Variants in EYA2 observed in about 807,000 individuals in gnomAD.
The protein encoded by EYA2 is protein phosphatase EYA2.
EYA2 carries 31 observed loss-of-function variants against 69.2 expected under a neutral mutation model. That is an observed-to-expected ratio of 0.45 (90% CI 0.34 to 0.60). The LOEUF (loss-of-function observed/expected upper bound fraction) is 0.60, where lower values mean the gene tolerates loss of function less well. Ranked by LOEUF, EYA2 falls within the 20% of genes least tolerant of loss-of-function variation. The pLI is 0.02. For synonymous variants in EYA2, 257 were observed against 279.4 expected (o/e 0.92, Z 0.80); for missense variants, 622 against 701.2 (o/e 0.89, Z 1.28).
In EYA2 at chr20:47,050,054, G is replaced by A. The variant is rs1045121203; in HGVS notation, c.416-22131G>A. Among the ~76,000 whole-genome samples the A allele has an allele frequency of 1.3e-4, 20 of 152,258 alleles. 1 individual carries two copies. Among genetic ancestry groups the A allele is most frequent in the Middle Eastern group, 6.8e-3 (2 of 294 alleles). The stretch of plus-strand genomic sequence containing the variant: ...GCACCCTCAGTGCATCTTTCCAGGG[G>A]CTGCACGATGCTGATGTCTTATTAT... On this transcript the variant is annotated intron_variant, in intron 5 of 15. Transcript: ENST00000327619.
rs71183225 is a variant in EYA2 at position 46,987,964 on chromosome 20, C to CTATATATATATATATATATATATATATA, written c.-10-2031_-10-2004dup. Among the ~76,000 whole-genome samples the CTATATATATATATATATATATATATATA allele has an allele frequency of 1.8e-4, 2 of 11,282 alleles. 1 individual carries two copies. Among genetic ancestry groups the CTATATATATATATATATATATATATATA allele is most frequent in the Non-Finnish European group, 3.4e-4 (2 of 5,934 alleles). 7.4% of individuals were successfully genotyped at this position (11,282 alleles called of 152,430 possible). A position where few individuals can be genotyped will look rare whatever the true frequency, so the allele number is the denominator to read the frequency against. ...TCTCTCTCTCTCTCTCTCTCTCTCT[C>CTATATATATATATATATATATATATATA]TATATATATATATATATATATATAT... On this transcript the variant is annotated intron_variant, in intron 1 of 15. Transcript: ENST00000327619.
chr20:47,024,427 C>T (rs1444595741), intron 5 of EYA2, among the ~76,000 whole-genome samples: 1 of 152,192 alleles, frequency 6.6e-6, no homozygotes, highest in African/African-American at 2.4e-5. Flanking sequence ...TTCCCAGCTC[C>T]ATTATGAGCT....
At chr20:46,909,577 A>G (rs912330112) in intron 1 of EYA2, among the ~76,000 whole-genome samples, 4 of 152,218 alleles carry the variant, frequency 2.6e-5, no homozygotes, top group Non-Finnish European at 2.9e-5. Flanking sequence ...GCCTTGGGAA[A>G]TGAAAAGTTC....
At chr20:47,051,890 C>G (rs1250344380) in intron 5 of EYA2, among the ~76,000 whole-genome samples, 1 of 152,186 alleles carries the variant, frequency 6.6e-6, no homozygotes, top group Non-Finnish European at 1.5e-5. Context: ...AACCACAGCT[C>G]GGGGCTCAGC....
chr20:47,130,318 G>A (rs1179678105), intron 9 of EYA2, among the ~76,000 whole-genome samples: 1 of 122,682 alleles, frequency 8.2e-6, no homozygotes, highest in East Asian at 2.7e-4. Context: ...AGGTGGGAGT[G>A]CAGTGGCACA....
chr20:47,177,578 A>C (rs2034449805), intron 12 of EYA2, among the ~76,000 whole-genome samples: 1 of 152,270 alleles, frequency 6.6e-6, no homozygotes, highest in African/African-American at 2.4e-5. Context: ...AAGATAAAGA[A>C]GGCCAGCATA....
chr20:47,072,122 A>G (rs2031334538), intron 5 of EYA2, 63 bp from the exon 6 acceptor site: 1 of 1,464,872 alleles, frequency 6.8e-7, no homozygotes, highest in Non-Finnish European at 9.6e-7. Flanking sequence ...AATGCTAACA[A>G]CTGCTTTAAA....
At chr20:47,086,149 A>T (rs537452083) in intron 7 of EYA2, among the ~76,000 whole-genome samples, 1 of 152,326 alleles carries the variant, frequency 6.6e-6, no homozygotes, top group African/African-American at 2.4e-5. Flanking sequence ...CTGTTCTCTC[A>T]TTGCTATAAA....
chr20:47,133,258 A>G (rs2033386148), intron 9 of EYA2, among the ~76,000 whole-genome samples: 1 of 152,142 alleles, frequency 6.6e-6, no homozygotes. Flanking sequence ...CACCCCAGGA[A>G]AAAAAGGTGC....
intron 1 of EYA2, among the ~76,000 whole-genome samples, chr20:46,924,412 T>C (rs1985311663): frequency 6.6e-6 from 1 of 152,174 alleles, no homozygotes. Flanking sequence ...GGCTCACGCC[T>C]GTAATCCCAG....
chr20:47,056,683 C>T (rs988765346), intron 5 of EYA2, among the ~76,000 whole-genome samples: 4 of 152,210 alleles, frequency 2.6e-5, no homozygotes, highest in East Asian at 3.9e-4. Context: ...TATCTGAATT[C>T]TCTGTTGTCT....
At position 47,163,476 on chromosome 20, in the gene EYA2, G is replaced by A. The variant is rs1054565749; in HGVS notation, c.979-5663G>A. Among the ~76,000 whole-genome samples the A allele has an allele frequency of 3.9e-5, 6 of 152,130 alleles. No homozygotes were observed. In the East Asian group the frequency reaches 1.2e-3, roughly 30 times the overall value. Reference sequence around the variant, plus strand: ...CACTTTGGGAGTCCGAGGCAGGGGGGTCATCTGAGGTCGGGAGTTCAAGAC... The same window carrying A: ...CACTTTGGGAGTCCGAGGCAGGGGGATCATCTGAGGTCGGGAGTTCAAGAC... On this transcript the variant is annotated intron_variant, in intron 10 of 15. Transcript: ENST00000327619.
intron 9 of EYA2, among the ~76,000 whole-genome samples, chr20:47,121,499 G>C (rs1278475998): frequency 6.6e-6 from 1 of 152,126 alleles, no homozygotes; most frequent in East Asian, 1.9e-4. Context: ...ATTTGTATGT[G>C]TACAGCTAAA....
chr20:46,987,136 A>ACCTT (rs1289094396), intron 1 of EYA2, among the ~76,000 whole-genome samples: 5 of 152,276 alleles, frequency 3.3e-5, no homozygotes, highest in Admixed American at 1.3e-4. Context: ...GATACTAAAT[A>ACCTT]CCTTCGGCTC....
At chr20:46,982,758 C>G (rs1056972966) in intron 1 of EYA2, among the ~76,000 whole-genome samples, 1 of 149,508 alleles carries the variant, frequency 6.7e-6, no homozygotes. Flanking sequence ...TATTTCATTT[C>G]TCAGTTCTGT....
intron 1 of EYA2, among the ~76,000 whole-genome samples, chr20:46,986,845 C>T (rs1049126815): frequency 2.0e-5 from 3 of 152,134 alleles, no homozygotes; most frequent in Non-Finnish European, 4.4e-5. Context: ...ATCCCTATGA[C>T]CCAAACCTCT....
chr20:47,015,202 C>G (rs1162044457), intron 4 of EYA2, among the ~76,000 whole-genome samples: 1 of 152,168 alleles, frequency 6.6e-6, no homozygotes, highest in African/African-American at 2.4e-5. Flanking sequence ...GGAAGAGACT[C>G]TTTGCTTTAT....
At chr20:47,062,550 G>A (rs866890033) in intron 5 of EYA2, among the ~76,000 whole-genome samples, 1 of 152,182 alleles carries the variant, frequency 6.6e-6, no homozygotes, top group Non-Finnish European at 1.5e-5. Flanking sequence ...CGGCTCTCCT[G>A]GCAGCTGTAA....
intron 1 of EYA2, among the ~76,000 whole-genome samples, chr20:46,924,467 G>A (rs67559658): frequency 0.089 from 13,551 of 152,002 alleles, 976 homozygotes; most frequent in East Asian, 0.39. Flanking sequence ...TCAGGAGATC[G>A]AGACCATCCT....
Sources: allele counts gnomAD v4.1 joint callset (sites outside exome capture counted in the v4.1 genomes callset), GRCh38; gene constraint gnomAD v4.1.1; transcripts MANE v1.5; gene names NCBI Gene and HGNC (gene_info 2026-07-23, HGNC 2026-07-21).